Variants in CACNA1G observed in about 807,000 individuals in gnomAD.
The protein encoded by CACNA1G is voltage-dependent T-type calcium channel subunit alpha-1G.
A neutral mutation model predicts 219.4 loss-of-function variants in CACNA1G; 67 were observed. That is an observed-to-expected ratio of 0.31 (90% confidence interval 0.25 to 0.37). The LOEUF (loss-of-function observed/expected upper bound fraction) is 0.37. CACNA1G is among the 10% of genes least tolerant of loss of function. CACNA1G has a pLI of 1.00. For synonymous variants in CACNA1G, 1,296 were observed against 1,345.3 expected (o/e 0.96, Z 0.80); for missense variants, 2,380 against 3,231.4 (o/e 0.74, Z 6.39).
rs749682938 is a variant in CACNA1G, at chr17:50,603,075, C to T, written c.4045C>T (p.Leu1349=). The T allele has an allele frequency of 6.2e-7, 1 of 1,613,628 alleles. No individual in the cohort carries two copies. The highest frequency in any genetic ancestry group is 8.5e-7 in the Non-Finnish European group (1 of 1,179,768). ...GTACCTGCGGAGCAGTTGGAACGTG[C>T]TGGACGGGCTGTTGGTGCTCATCTC... ...QAYLRSSWNV[L]DGLLVLISVI... Residue 1349 remains leucine (L), a synonymous_variant, in exon 21 of 38, where the codon CTG becomes TTG. Transcript: ENST00000359106. This position sits in a 1 kb window ranked among gnomAD's most constrained non-coding sequence, Gnocchi z 6.4.
At chr17:50,595,997 A>T (rs1243722166) in intron 14 of CACNA1G, among the ~76,000 whole-genome samples, 1 of 152,202 alleles carries the variant, frequency 6.6e-6, no homozygotes, top group Non-Finnish European at 1.5e-5. Flanking sequence ...GGAGAGAGGT[A>T]AAAATGGGGC....
At position 50,596,843 on chromosome 17, in the gene CACNA1G, G is replaced by A. The variant is rs768241607; in HGVS notation, c.3178G>A (p.Glu1060Lys). Reference sequence around the variant, plus strand: ...CAAGAGCACCAGCACGGGCCTGGGCGAGGCGCTGGGCCCTGCGTCGCGCCG... The same window carrying A: ...CAAGAGCACCAGCACGGGCCTGGGCAAGGCGCTGGGCCCTGCGTCGCGCCG... ...LPKSTSTGLG[E>K]ALGPASRRTS... The change falls in exon 16 of 38, where the codon GAG (glutamate) becomes AAG (lysine). Residue 1060 changes from glutamate (E) to lysine (K), a missense_variant. Physicochemically the swap from Glu to Lys is moderately conservative, Grantham distance 56. Around this residue, in one of 17 missense-constraint regions of CACNA1G, gnomAD observed 418 missense variants for 434.3 expected, o/e 0.96. Coordinates refer to ENST00000359106, the MANE Select transcript of CACNA1G (RefSeq NM_018896.5). This position sits in a 1 kb window ranked among gnomAD's most constrained non-coding sequence, Gnocchi z 4.8. 7.5e-6 allele frequency: 12 copies of A among 1,605,004 alleles called. No individual in the cohort carries two copies. The highest frequency in any genetic ancestry group is 2.3e-5 in the East Asian group (1 of 44,444).
In CACNA1G at chr17:50,626,516, G is replaced by C; in HGVS notation, c.6899G>C (p.Ser2300Thr). The C allele has an allele frequency of 6.4e-7, 1 of 1,572,458 alleles. No homozygotes were observed. The highest frequency in any genetic ancestry group is 8.6e-7 in the Non-Finnish European group (1 of 1,161,318). Residue 2300 changes from serine to threonine, a missense_variant, in exon 38 of 38, where the codon AGC becomes ACC. Physicochemically the swap from Ser to Thr is moderately conservative, Grantham distance 58 (BLOSUM62 1). Transcript: ENST00000359106. This position sits in a 1 kb window ranked among gnomAD's most constrained non-coding sequence, Gnocchi z 4.3. ...LGGQPLGGPG[S>T]RPKKKLSPPS... The stretch of plus-strand genomic sequence containing the variant: ...GGCCAGCCTCTTGGGGGGCCTGGGA[G>C]CCGGCCCAAGAAAAAACTCAGCCCG...
intron 26 of CACNA1G, among the ~76,000 whole-genome samples, chr17:50,612,292 C>A (rs745349373): frequency 1.3e-5 from 2 of 152,210 alleles, no homozygotes; most frequent in Non-Finnish European, 2.9e-5. Flanking sequence ...CCAGCAGGGG[C>A]GGGAGAGCCA....
rs1232764843 is a variant in CACNA1G at position 50,575,638 on chromosome 17, G to A, written c.1236G>A (p.Gln412=). ...KQRESQLMRE[Q]RVRFLSNAST... ...GGGAAAGCCAGCTGATGCGGGAGCA[G>A]CGTGTGCGGTTCCTGTCCAACGCCA... The change falls in exon 8 of 38, where the codon CAG becomes CAA. Residue 412 remains glutamine, a synonymous_variant. Transcript: ENST00000359106. 4 of 1,613,810 alleles carry A rather than the reference G, an allele frequency of 2.5e-6. No homozygotes were observed. The highest frequency in any genetic ancestry group is 3.4e-6 in the Non-Finnish European group (4 of 1,179,890).
chr17:50,591,309 C>T (rs531857453), intron 10 of CACNA1G, 126 bp from the exon 11 acceptor site: 3 of 934,000 alleles, frequency 3.2e-6, no homozygotes, highest in South Asian at 3.9e-5. Context: ...TGGGGGCCCA[C>T]CTGTGCCCCA....
Position 50,600,921 on chromosome 17 carries a change from A to G in CACNA1G, c.3791+95A>G. 1 of 1,564,740 alleles carries G rather than the reference A, an allele frequency of 6.4e-7. No individual in the cohort carries two copies. Among genetic ancestry groups the G allele is most frequent in the South Asian group, 1.1e-5 (1 of 90,028 alleles). The stretch of plus-strand genomic sequence containing the variant: ...TGCTGTCAGGGATTTGAGAAGTGGC[A>G]CCCTGCCTGGGGTGTGAGCAGGGTG... On this transcript the variant is annotated intron_variant, in intron 18 of 37. Transcript: ENST00000359106. This position sits in a 1 kb window ranked among gnomAD's most constrained non-coding sequence, Gnocchi z 4.1.
At chr17:50,595,223 C>T (rs2045279735) in intron 14 of CACNA1G, among the ~76,000 whole-genome samples, 162 bp downstream of exon 14, 1 of 152,146 alleles carries the variant, frequency 6.6e-6, no homozygotes. Context: ...ATTTTAAGTC[C>T]CTTCCCCCTT....
In CACNA1G at chr17:50,572,010, G is replaced by A. The variant is rs1473999737; in HGVS notation, c.719G>A (p.Arg240Gln). The change falls in exon 5 of 38, where the codon CGA (arginine) becomes CAA (glutamine). Residue 240 changes from arginine (R) to glutamine (Q), a missense_variant. By Grantham distance (43) the Arg-to-Gln change is conservative. Transcript: ENST00000359106. ...VQLWAGLLRN[R>Q]CFLPENFSLP... is the part of the protein sequence containing the mutation. ...CTGTGGGCAGGGCTGCTTCGGAACCGATGCTTCCTACCTGAGAATTTCAGC... is the reference window on the plus strand; with the variant it reads ...CTGTGGGCAGGGCTGCTTCGGAACCAATGCTTCCTACCTGAGAATTTCAGC... 2 of 1,613,760 alleles carry A rather than the reference G, an allele frequency of 1.2e-6. No homozygotes were observed. Among genetic ancestry groups the A allele is most frequent in the Non-Finnish European group, 1.7e-6 (2 of 1,179,796 alleles).
rs1422885125 is a variant in CACNA1G at position 50,600,545 on chromosome 17, G to A, written c.3691-181G>A. 1.3e-5 allele frequency among the ~76,000 whole-genome samples: 2 copies of A among 152,016 alleles called. No homozygotes were observed. Among genetic ancestry groups the A allele is most frequent in the African/African-American group, 4.8e-5 (2 of 41,370 alleles). On this transcript the variant is annotated intron_variant, in intron 17 of 37. Transcript: ENST00000359106. The surrounding 1 kb of genome is among the most constrained non-coding windows in gnomAD (Gnocchi z 4.1). ...GTCCTCAGGGATGGGGAGGGGGCCT[G>A]GCAAGGTTGACAGGGAGATGAGGAG...
At chr17:50,598,943 G>A (rs536683269) in intron 16 of CACNA1G, among the ~76,000 whole-genome samples, 67 of 152,228 alleles carry the variant, frequency 4.4e-4, no homozygotes, top group African/African-American at 1.4e-3. Flanking sequence ...GGCCAGGCTG[G>A]TTTCGAGCTC....
chr17:50,574,215 C>T lies in CACNA1G; in HGVS notation c.1140+1102C>T, dbSNP rs142517090. 6.3e-3 allele frequency among the ~76,000 whole-genome samples: 956 copies of T among 152,302 alleles called. 8 individuals carry two copies. The highest frequency in any genetic ancestry group is 0.022 in the African/African-American group (917 of 41,578). On this transcript the variant is annotated intron_variant, in intron 7 of 37. Transcript: ENST00000359106. ...AGAATTCAGTCCCAGGCTAACGACT[C>T]CACATTCAGCCTTTCTTCCATGTCA...
In CACNA1G at chr17:50,572,557, C is replaced by T; in HGVS notation, c.750C>T (p.Pro250=). The change falls in exon 6 of 38, where the codon CCC becomes CCT. Residue 250 remains proline (P), a synonymous_variant. Coordinates refer to ENST00000359106, the MANE Select transcript of CACNA1G (RefSeq NM_018896.5). Reference sequence around the variant, plus strand: ...TGTTCCCCTTCCCATCCTGCAGCCCCCTGAGCGTGGACCTGGAGCGCTATT... The same window carrying T: ...TGTTCCCCTTCCCATCCTGCAGCCCTCTGAGCGTGGACCTGGAGCGCTATT... ...RCFLPENFSL[P]LSVDLERYYQ... The T allele has an allele frequency of 6.5e-7, 1 of 1,537,856 alleles. No individual in the cohort carries two copies.
Position 50,617,588 on chromosome 17 carries a change from C to T in CACNA1G, c.5155+17C>T, listed in dbSNP as rs749777556. ...TTGCCCGAGGTTGGTGCCCAGCCCACGCACCTGCCCTCCTAGGGTGACCAG... is the reference window on the plus strand; with the variant it reads ...TTGCCCGAGGTTGGTGCCCAGCCCATGCACCTGCCCTCCTAGGGTGACCAG... On this transcript the variant is annotated intron_variant, in intron 29 of 37. Transcript: ENST00000359106. The surrounding 1 kb of genome is among the most constrained non-coding windows in gnomAD (Gnocchi z 5.8). 23 of 1,612,546 alleles carry T rather than the reference C, an allele frequency of 1.4e-5. No homozygotes were observed. Among genetic ancestry groups the T allele is most frequent in the Admixed American group, 1.2e-4 (7 of 59,918 alleles).
At position 50,621,721 on chromosome 17, in the gene CACNA1G, GCT is replaced by G; in HGVS notation, c.5992_5993del (p.Leu1998SerfsTer5). The G allele has an allele frequency of 1.2e-6, 2 of 1,613,906 alleles. No individual in the cohort carries two copies. The highest frequency in any genetic ancestry group is 8.5e-7 in the Non-Finnish European group (1 of 1,179,802). On this transcript the variant is annotated frameshift_variant, in exon 35 of 38. Coordinates refer to ENST00000359106, the MANE Select transcript of CACNA1G (RefSeq NM_018896.5). LOFTEE classifies it high-confidence loss of function. The surrounding 1 kb of genome is among the most constrained non-coding windows in gnomAD (Gnocchi z 4.6). ...TCAGAGATTGTGTCTGAACCGTCCTGCTCTCTAGCTCTGACGGATGACTCTTT... is the reference window on the plus strand; with the variant it reads ...TCAGAGATTGTGTCTGAACCGTCCTGCTCTAGCTCTGACGGATGACTCTTT...
intron 9 of CACNA1G, among the ~76,000 whole-genome samples, chr17:50,586,974 G>A (rs77387665): frequency 0.083 from 12,644 of 152,160 alleles, 1,809 homozygotes; most frequent in African/African-American, 0.29. Context: ...GGTGGGATAA[G>A]CTCAGGCTGC....
chr17:50,562,332 C>A (rs1283408101), intron 1 of CACNA1G, among the ~76,000 whole-genome samples: 1 of 152,130 alleles, frequency 6.6e-6, no homozygotes. Flanking sequence ...CCTCACCCCC[C>A]ACCTCGCGGG....
intron 36 of CACNA1G, 36 bp from the exon 37 acceptor site, chr17:50,624,324 T>TGCCCCC: frequency 1.8e-5 from 21 of 1,177,578 alleles, no homozygotes; most frequent in Non-Finnish European, 2.2e-5. Context: ...CTCCATTCTC[T>TGCCCCC]CCCCCCACCC....
Position 50,603,212 on chromosome 17 carries a change from C to G in CACNA1G, c.4169+13C>G. On this transcript the variant is annotated intron_variant, in intron 21 of 37. Coordinates refer to ENST00000359106, the MANE Select transcript of CACNA1G (RefSeq NM_018896.5). This position sits in a 1 kb window ranked among gnomAD's most constrained non-coding sequence, Gnocchi z 6.4. Reference sequence around the variant, plus strand: ...TGCGCCCGCTCAGGTGACTCCCTCCCCAGCACTGGAACACCTCCAAGAGGT... The same window carrying G: ...TGCGCCCGCTCAGGTGACTCCCTCCGCAGCACTGGAACACCTCCAAGAGGT... 6.3e-7 allele frequency: 1 copy of G among 1,597,730 alleles called. No individual in the cohort carries two copies. Among genetic ancestry groups the G allele is most frequent in the Non-Finnish European group, 8.5e-7 (1 of 1,178,402 alleles).
Sources: gnomAD v4.1 joint callset for allele counts (sites outside exome capture counted in the v4.1 genomes callset) on GRCh38, gnomAD v4.1.1 for gene constraint, gnomAD v4.1.1 regional missense constraint, Gnocchi (gnomAD v3.1) non-coding constraint, MANE v1.5 for transcripts, NCBI Gene and HGNC (gene_info 2026-07-23, HGNC 2026-07-21) for gene names.